The following CDH26 variants were observed in gnomAD, a reference collection of about 807,000 sequenced individuals.
CDH26 encodes the protein cadherin 26, also known as cadherin-like protein 26.
CDH26 carries 83 observed loss-of-function variants against 90.3 expected under a neutral mutation model. That is an observed-to-expected ratio of 0.92 (90% confidence interval 0.77 to 1.10). The LOEUF is 1.10. Among genes scored for constraint, CDH26 ranks in the 50% least tolerant of loss-of-function variants. CDH26 has a pLI of 0.00. For missense variants in CDH26, 1,013 were observed against 1,037.6 expected (o/e 0.98, Z 0.33); for synonymous variants, 397 against 396.3 (o/e 1.00, Z -0.02).
chr20:59,974,361 G>A (rs376355807), intron 4 of CDH26, among the ~76,000 whole-genome samples: 16 of 152,230 alleles, frequency 1.1e-4, no homozygotes, highest in South Asian at 4.1e-4. Flanking sequence ...TTTTGTGAAC[G>A]ATGCTTTTAA....
exon 9 of CDH26, chr20:60,033,888 T>G (rs1601238439): frequency 1.8e-6 from 1 of 557,742 alleles, no homozygotes; most frequent in East Asian, 9.4e-5. Context: ...TCACCATGTT[T>G]CTCACCACTG....
intron 14 of CDH26, among the ~76,000 whole-genome samples, chr20:60,000,342 G>GT (rs1268043755): frequency 2.0e-5 from 3 of 152,200 alleles, no homozygotes. Context: ...ACTAGTAGGT[G>GT]TCCCCTACTT....
chr20:59,966,309 G>A (rs934666243), intron 1 of CDH26, among the ~76,000 whole-genome samples: 4 of 148,438 alleles, frequency 2.7e-5, no homozygotes, highest in Admixed American at 6.8e-5. Context: ...TTTTCTTTGA[G>A]ATAAACCTTC....
chr20:59,970,104 G>A lies in CDH26; in HGVS notation c.149G>A (p.Arg50Gln), dbSNP rs776231597. 15 of 1,613,904 alleles carry A rather than the reference G, an allele frequency of 9.3e-6. No individual in the cohort carries two copies. Among genetic ancestry groups the A allele is most frequent in the South Asian group, 3.3e-5 (3 of 91,058 alleles). Residue 50 changes from arginine to glutamine, a missense_variant, in exon 3 of 18, where the codon CGG becomes CAG. Arg to Gln is a conservative substitution (Grantham distance 43, BLOSUM62 1). Coordinates refer to ENST00000348616, the MANE Select transcript of CDH26 (RefSeq NM_177980.4). ...CAGGAAAAGATCTACCAGCCTCTAC[G>A]GCGATCCAAGAGAAGATGGGTTATC... The part of the protein sequence containing the change: ...QTKEKIYQPL[R>Q]RSKRRWVITT...
At chr20:60,016,456 T>C (rs1251738555), downstream of CDH26, among the ~76,000 whole-genome samples, 4 of 152,218 alleles carry the variant, frequency 2.6e-5, no homozygotes, top group Non-Finnish European at 4.4e-5. Flanking sequence ...TTATGTATGT[T>C]GATTTTTGTC....
chr20:60,002,143 T>C (rs2061685037), intron 15 of CDH26, among the ~76,000 whole-genome samples: 1 of 152,200 alleles, frequency 6.6e-6, no homozygotes, highest in Admixed American at 6.5e-5. Context: ...ATCCAATTTT[T>C]ATGAGGGAAA....
chr20:59,984,187 G>T (rs755409712), intron 5 of CDH26, among the ~76,000 whole-genome samples: 1 of 152,104 alleles, frequency 6.6e-6, no homozygotes, highest in Admixed American at 6.5e-5. Context: ...TGAACATTTT[G>T]CTATGTTTCT....
At position 60,013,826 on chromosome 20, in the gene CDH26, A is replaced by G. The variant is rs2061879374; in HGVS notation, c.*1096A>G. On this transcript the variant is annotated 3_prime_UTR_variant, in exon 18 of 18. Transcript: ENST00000348616. ...TGTGCAAATACTTCTTTTTAAGGAG[A>G]TCTGGCCTTTTCCTACCTGGTTACC... 1 of 151,998 alleles carries G rather than the reference A, an allele frequency of 6.6e-6. No homozygotes were observed. Among genetic ancestry groups the G allele is most frequent in the African/African-American group, 2.4e-5 (1 of 41,372 alleles). 9.4% of individuals were successfully genotyped at this position (151,998 alleles called of 1,614,324 possible). A position where few individuals can be genotyped will look rare whatever the true frequency, so the allele number is the denominator to read the frequency against.
chr20:59,995,788 C>CAGATGAGT, intron 11 of CDH26, 45 bp from the exon 12 acceptor site: 1 of 1,542,038 alleles, frequency 6.5e-7, no homozygotes, highest in Non-Finnish European at 9.0e-7. Flanking sequence ...AGCAGATGAG[C>CAGATGAGT]AGATGAGTGA....
At chr20:60,021,383 T>C (rs1050474855) in intron 7 of CDH26, among the ~76,000 whole-genome samples, 1 of 152,198 alleles carries the variant, frequency 6.6e-6, no homozygotes, top group African/African-American at 2.4e-5. Flanking sequence ...CAGAGCTGAG[T>C]AATTGCAACA....
At chr20:59,960,335 C>T (rs1038265085) in intron 1 of CDH26, among the ~76,000 whole-genome samples, 1 of 151,990 alleles carries the variant, frequency 6.6e-6, no homozygotes, top group Admixed American at 6.6e-5. Context: ...TGAGGAAATG[C>T]GTAAAAGCCC....
intron 16 of CDH26, among the ~76,000 whole-genome samples, chr20:60,004,723 G>A (rs1313194233): frequency 8.7e-5 from 12 of 137,304 alleles, no homozygotes; most frequent in African/African-American, 2.5e-4. Context: ...CCAAGATCGC[G>A]CCACTGCACT....
chr20:59,989,243 G>T (rs2061496712), intron 9 of CDH26, 80 bp downstream of exon 9: 1 of 1,567,428 alleles, frequency 6.4e-7, no homozygotes, highest in South Asian at 1.2e-5. Flanking sequence ...TAGAAAACCA[G>T]CTCGGCCGGG....
chr20:60,016,352 C>G (rs952865289), downstream of CDH26, among the ~76,000 whole-genome samples: 1 of 151,962 alleles, frequency 6.6e-6, no homozygotes, highest in South Asian at 2.1e-4. Context: ...TAAACTTATT[C>G]TTTGATATTT....
chr20:60,018,702 C>CTTTTGTTTTTTTTTTTTTTTTTTTTTT (rs2061926953), downstream of CDH26, among the ~76,000 whole-genome samples: 1 of 17,814 alleles, frequency 5.6e-5, no homozygotes, highest in African/African-American at 2.3e-4. Flanking sequence ...CTCTTACTGC[C>CTTTTGTTTTTTTTTTTTTTTTTTTTTT]TTTTTTTTTT....
chr20:60,001,617 T>C, intron 15 of CDH26: 1 of 985,336 alleles, frequency 1.0e-6, no homozygotes, highest in Non-Finnish European at 1.2e-6. Context: ...TGGCTGCTGT[T>C]TTTAGAGTTG....
intron 7 of CDH26, among the ~76,000 whole-genome samples, chr20:60,022,261 G>A (rs1170746261): frequency 6.6e-6 from 1 of 152,160 alleles, no homozygotes; most frequent in Non-Finnish European, 1.5e-5. Context: ...TAACGGCAAT[G>A]AATAAGGCAA....
rs1569024650 is a variant in CDH26, at chr20:59,967,943, CTTTCTTTCTTTCTAT to C, written c.70-1023_70-1009del. ...CCTTTCCTTTCCTTTCCCTTTCTTT[CTTTCTTTCTTTCTAT>C]CTTTCTTTCTTTCTTTCTTTCTTTC... is the stretch of plus-strand genomic sequence containing the variant. On this transcript the variant is annotated intron_variant, in intron 1 of 17. Coordinates refer to ENST00000348616, the MANE Select transcript of CDH26 (RefSeq NM_177980.4). Among the ~76,000 whole-genome samples, 90 of 105,958 alleles carry C rather than the reference CTTTCTTTCTTTCTAT, an allele frequency of 8.5e-4. 3 individuals are homozygous for C. The highest frequency in any genetic ancestry group is 4.6e-3 in the African/African-American group (82 of 17,926). The allele number at this position is 105,958 out of a possible 152,430, so 69.5% of individuals were successfully genotyped here. A position where few individuals can be genotyped will look rare whatever the true frequency, so the allele number is the denominator to read the frequency against.
intron 1 of CDH26, among the ~76,000 whole-genome samples, chr20:59,962,975 G>A (rs2061095340): frequency 6.6e-6 from 1 of 152,186 alleles, no homozygotes; most frequent in Admixed American, 6.5e-5. Context: ...TGTGGGAGAT[G>A]CCAGTGGAAA....
Sources: gnomAD v4.1 joint callset for allele counts (sites outside exome capture counted in the v4.1 genomes callset) on GRCh38, gnomAD v4.1.1 for gene constraint, MANE v1.5 for transcripts, NCBI Gene and HGNC (gene_info 2026-07-23, HGNC 2026-07-21) for gene names.